NREP: variants seen among roughly 807,000 people sequenced by gnomAD.
NREP encodes neuronal regeneration related protein.
In NREP, 5 loss-of-function variants were observed where a neutral mutation model predicts 8.6. The ratio of observed to expected loss-of-function variants is 0.58; its 90% CI spans 0.30 to 1.22. NREP has a LOEUF of 1.22. Ranked by LOEUF, NREP falls within the 50% of genes most tolerant of loss-of-function variation. The pLI is 0.07. For synonymous variants in NREP, 27 were observed against 28.0 expected, an observed-to-expected ratio of 0.96 and a Z score of 0.11; for missense variants, 86 against 82.5, an observed-to-expected ratio of 1.04 and a Z score of -0.17.
chr5:111,928,910 T>A (rs1755463562), intron 2 of NREP, among the ~76,000 whole-genome samples: 1 of 152,172 alleles, frequency 6.6e-6, no homozygotes, highest in African/African-American at 2.4e-5. Context: ...AGTGTGTATG[T>A]CCCAGTTTAA....
rs1025652732 is a variant in NREP at position 111,975,209 on chromosome 5, T to C, written c.135+65A>G. Reference sequence around the variant, plus strand: ...AGTTCAGGAATCACTTGGTTGCATGTGATGGAAACCCAACTTGAACTAGCT... The same window carrying C: ...AGTTCAGGAATCACTTGGTTGCATGCGATGGAAACCCAACTTGAACTAGCT... On this transcript the variant is annotated intron_variant, in intron 2 of 3. Transcript: ENST00000395634. 3.5e-6 allele frequency: 4 copies of C among 1,144,582 alleles called. No homozygotes were observed. The African/African-American group carries it at 6.1e-5, about 18-fold the overall frequency. The allele number at this position is 1,144,582 out of a possible 1,614,324, so 70.9% of individuals were successfully genotyped here. A position where few individuals can be genotyped will look rare whatever the true frequency, so the allele number is the denominator to read the frequency against.
intron 2 of NREP, among the ~76,000 whole-genome samples, chr5:111,881,848 G>T (rs953495866): frequency 9.9e-5 from 15 of 151,502 alleles, no homozygotes; most frequent in African/African-American, 3.2e-4. Context: ...CATCATCAAA[G>T]ACCAAAAATA....
intron 2 of NREP, among the ~76,000 whole-genome samples, chr5:111,790,415 A>T (rs1204469935): frequency 1.1e-5 from 1 of 92,478 alleles, no homozygotes; most frequent in Non-Finnish European, 2.0e-5. Flanking sequence ...CCTCTTCTAG[A>T]GATTTGTCTT....
intron 2 of NREP, among the ~76,000 whole-genome samples, chr5:111,889,450 C>G (rs1224663842): frequency 2.0e-5 from 3 of 152,200 alleles, no homozygotes; most frequent in African/African-American, 7.2e-5. Context: ...CATATCAACA[C>G]AACATTTGGA....
chr5:111,806,580 G>T (rs1252511393), intron 2 of NREP, among the ~76,000 whole-genome samples: 1 of 152,178 alleles, frequency 6.6e-6, no homozygotes, highest in African/African-American at 2.4e-5. Flanking sequence ...ACAGCCATCA[G>T]CCTTGGAAAT....
At chr5:111,883,973 CA>C (rs1754164895) in intron 2 of NREP, among the ~76,000 whole-genome samples, 1 of 151,982 alleles carries the variant, frequency 6.6e-6, no homozygotes, top group African/African-American at 2.4e-5. Flanking sequence ...TAACTAATAT[CA>C]GAGCAGAACT....
intron 2 of NREP, among the ~76,000 whole-genome samples, chr5:111,780,622 C>T (rs1751470800): frequency 6.6e-6 from 1 of 152,050 alleles, no homozygotes; most frequent in Non-Finnish European, 1.5e-5. Flanking sequence ...TGGAAGGAGA[C>T]TGGATTTCAA....
intron 2 of NREP, among the ~76,000 whole-genome samples, chr5:111,925,687 T>C (rs1363002236): frequency 2.6e-5 from 4 of 152,168 alleles, no homozygotes; most frequent in Non-Finnish European, 5.9e-5. Context: ...AGCCTTTCCA[T>C]GAAAGCCAAG....
At chr5:111,787,940 T>TA (rs1441794163) in intron 2 of NREP, among the ~76,000 whole-genome samples, 4 of 151,780 alleles carry the variant, frequency 2.6e-5, no homozygotes, top group Non-Finnish European at 4.4e-5. Context: ...TCTACAGAAA[T>TA]AAAAAGAATT....
rs1337736809 is a variant in NREP, at chr5:111,804,689, G to A, written c.136-69182C>T. On this transcript the variant is annotated intron_variant, in intron 2 of 3. Transcript: ENST00000395634. ...AATCAAATTCTTAATTAGAGTGGAG[G>A]AGAATAAGAGAAAAAAAAAACAAAC... Among the ~76,000 whole-genome samples, 4 of 151,698 alleles carry A rather than the reference G, an allele frequency of 2.6e-5. No homozygotes were observed. The East Asian group carries it at 5.8e-4, about 22-fold the overall frequency.
intron 2 of NREP, chr5:111,975,168 TG>T: frequency 1.3e-6 from 1 of 742,324 alleles, no homozygotes; most frequent in Non-Finnish European, 2.3e-6. Flanking sequence ...GGGGCAATGG[TG>T]GGAATGACTG....
At chr5:111,742,665 G>A (rs995014066) in intron 2 of NREP, among the ~76,000 whole-genome samples, 7 of 152,088 alleles carry the variant, frequency 4.6e-5, no homozygotes, top group Non-Finnish European at 8.8e-5. Flanking sequence ...CATTCATTAC[G>A]TGAGTTTTCT....
chr5:111,921,284 T>C (rs946855616), intron 2 of NREP, among the ~76,000 whole-genome samples: 2 of 152,034 alleles, frequency 1.3e-5, no homozygotes, highest in African/African-American at 4.8e-5. Flanking sequence ...CAGCTAGCGT[T>C]CCTCCTGAAG....
intron 2 of NREP, among the ~76,000 whole-genome samples, chr5:111,871,053 C>CGTGTGTGTGTGTGTGT (rs34667486): frequency 3.0e-3 from 425 of 142,700 alleles, no homozygotes; most frequent in Non-Finnish European, 4.6e-3. Flanking sequence ...GAACCAATGG[C>CGTGTGTGTGTGTGTGT]GTGTGTGTGT....
intron 2 of NREP, among the ~76,000 whole-genome samples, chr5:111,896,546 C>G (rs1419747652): frequency 6.6e-6 from 1 of 152,134 alleles, no homozygotes; most frequent in African/African-American, 2.4e-5. Context: ...TATCCAGAAG[C>G]CTATGTTCAC....
rs535177580 is a variant in NREP, at chr5:111,925,905, A to G, written c.135+49369T>C. Among the ~76,000 whole-genome samples, 95 of 152,132 alleles carry G rather than the reference A, an allele frequency of 6.2e-4. 1 individual carries two copies. Among genetic ancestry groups the G allele is most frequent in the African/African-American group, 2.3e-3 (95 of 41,500 alleles). On this transcript the variant is annotated intron_variant, in intron 2 of 3. Coordinates refer to the NREP transcript ENST00000395634. ...TGGTTGTTCTATAATTTCCTCCACT[A>G]CCTTATCTCCATTCTTCTTTTTTGG... is the stretch of plus-strand genomic sequence containing the variant.
intron 2 of NREP, among the ~76,000 whole-genome samples, chr5:111,874,032 G>A (rs1202009750): frequency 6.6e-6 from 1 of 151,430 alleles, no homozygotes; most frequent in Non-Finnish European, 1.5e-5. Context: ...TATTCTGAAT[G>A]TTCCCAGGGA....
chr5:111,840,717 A>G (rs1398279056), intron 2 of NREP, among the ~76,000 whole-genome samples: 1 of 152,138 alleles, frequency 6.6e-6, no homozygotes, highest in Non-Finnish European at 1.5e-5. Context: ...TATAAATACT[A>G]AGATGAATCA....
chr5:111,928,300 T>C (rs141900952), intron 2 of NREP, among the ~76,000 whole-genome samples: 1 of 152,288 alleles, frequency 6.6e-6, no homozygotes, highest in East Asian at 1.9e-4. Flanking sequence ...ATGCTTTAAA[T>C]ATATTTTCCT....
Sources: gnomAD v4.1 joint callset for allele counts (sites outside exome capture counted in the v4.1 genomes callset) on GRCh38, gnomAD v4.1.1 for gene constraint, MANE v1.5 for transcripts, NCBI Gene and HGNC (gene_info 2026-07-23, HGNC 2026-07-21) for gene names.